The following DOCK5 variants were observed in gnomAD, a reference collection of about 807,000 sequenced individuals.
DOCK5 encodes the protein dedicator of cytokinesis 5, also known as dedicator of cytokinesis protein 5.
DOCK5 carries 142 observed loss-of-function variants against 251.8 expected under a neutral mutation model. The ratio of observed to expected loss-of-function variants is 0.56; its 90% CI spans 0.49 to 0.65. The LOEUF (loss-of-function observed/expected upper bound fraction) is 0.65. Among genes scored for constraint, DOCK5 ranks in the 30% least tolerant of loss-of-function variants. The pLI is 0.00. For missense variants in DOCK5, 2,111 were observed against 2,312.3 expected, an observed-to-expected ratio of 0.91 and a Z score of 1.79; for synonymous variants, 842 against 835.5, an observed-to-expected ratio of 1.01 and a Z score of -0.13.
chr8:25,312,833 A>G (rs981829637), intron 13 of DOCK5, among the ~76,000 whole-genome samples: 2 of 151,726 alleles, frequency 1.3e-5, no homozygotes, highest in Non-Finnish European at 2.9e-5. Context: ...GAAAGGCTGA[A>G]GCGGGAGCAT....
intron 5 of DOCK5, among the ~76,000 whole-genome samples, chr8:25,291,193 A>G (rs1335825310): frequency 6.6e-6 from 1 of 152,098 alleles, no homozygotes; most frequent in Non-Finnish European, 1.5e-5. Context: ...GCATGGCTAG[A>G]GTTTTAGGGT....
At chr8:25,277,185 C>G (rs965166374) in intron 4 of DOCK5, 1 of 154,008 alleles carries the variant, frequency 6.5e-6, no homozygotes, top group Admixed American at 6.5e-5. Context: ...TGGTCTGTAA[C>G]TGATAATAGG....
intron 1 of DOCK5, among the ~76,000 whole-genome samples, chr8:25,242,162 A>C (rs1376327153): frequency 6.6e-6 from 1 of 152,136 alleles, no homozygotes; most frequent in African/African-American, 2.4e-5. Context: ...TTAAAAAAAA[A>C]ACCTTAACTT....
At chr8:25,279,623 T>C (rs1390622156) in intron 5 of DOCK5, among the ~76,000 whole-genome samples, 1 of 152,052 alleles carries the variant, frequency 6.6e-6, no homozygotes, top group Non-Finnish European at 1.5e-5. Flanking sequence ...TTATTTTATT[T>C]ATTTATTTTT....
At chr8:25,321,123 G>A in intron 16 of DOCK5, 71 bp downstream of exon 16, 2 of 1,272,586 alleles carry the variant, frequency 1.6e-6, no homozygotes, top group African/African-American at 1.5e-5. Context: ...GCCATCTTGT[G>A]AAGCTGGAGA....
At chr8:25,386,306 A>G (rs1048154640) in intron 40 of DOCK5, among the ~76,000 whole-genome samples, 5 of 152,166 alleles carry the variant, frequency 3.3e-5, no homozygotes, top group African/African-American at 1.2e-4. Flanking sequence ...TCTGAGGCCA[A>G]GCATGGTGAC....
intron 37 of DOCK5, chr8:25,375,214 C>G: frequency 5.8e-6 from 1 of 171,978 alleles, no homozygotes; most frequent in Non-Finnish European, 1.2e-5. Context: ...CTTTGCTCCT[C>G]CCCAGCCCAT....
intron 11 of DOCK5, among the ~76,000 whole-genome samples, chr8:25,306,972 T>C (rs1804958437): frequency 6.6e-6 from 1 of 152,236 alleles, no homozygotes; most frequent in South Asian, 2.1e-4. Flanking sequence ...TCCAGCAAGC[T>C]ACTGTACTGA....
Position 25,342,469 on chromosome 8 carries a change from T to A in DOCK5, c.2579T>A (p.Met860Lys). The A allele has an allele frequency of 6.3e-7, 1 of 1,599,944 alleles. No individual in the cohort carries two copies. Among genetic ancestry groups the A allele is most frequent in the Non-Finnish European group, 8.5e-7 (1 of 1,172,184 alleles). ...NQLVRQKLNC[M>K]TKIVESTLFR... ...CTGGTTCGGCAGAAACTTAACTGCA[T>A]GACCAAGATAGTAGAGAGCACTCTT... Residue 860 changes from methionine to lysine, a missense_variant, in exon 25 of 52, where the codon ATG (methionine) becomes AAG (lysine). Met to Lys is a moderately conservative substitution (Grantham distance 95). Coordinates refer to ENST00000276440, the MANE Select transcript of DOCK5 (RefSeq NM_024940.8).
chr8:25,325,497 A>G lies in DOCK5; in HGVS notation c.1853A>G (p.Asp618Gly), dbSNP rs1309439402. ...TFTPSKDSTK[D>G]SFQIATLICS... Reference sequence around the variant, plus strand: ...ACCCCAAGCAAGGATAGCACTAAAGACAGCTTTCAGATTGCCACCCTCATC... The same window carrying G: ...ACCCCAAGCAAGGATAGCACTAAAGGCAGCTTTCAGATTGCCACCCTCATC... Residue 618 changes from aspartate to glycine, a missense_variant, in exon 18 of 52, where the codon GAC becomes GGC. Asp to Gly is a moderately conservative substitution (Grantham distance 94). Transcript: ENST00000276440. 6.2e-7 allele frequency: 1 copy of G among 1,613,744 alleles called. No individual in the cohort carries two copies. Among genetic ancestry groups the G allele is most frequent in the Non-Finnish European group, 8.5e-7 (1 of 1,179,786 alleles).
chr8:25,215,644 TTATTTC>T (rs1315834287), intron 1 of DOCK5, among the ~76,000 whole-genome samples: 3 of 152,238 alleles, frequency 2.0e-5, no homozygotes, highest in African/African-American at 7.2e-5. Context: ...GGTCATTGTG[TTATTTC>T]TATTTCCAGC....
At chr8:25,221,518 A>G (rs1802389658) in intron 1 of DOCK5, among the ~76,000 whole-genome samples, 1 of 152,146 alleles carries the variant, frequency 6.6e-6, no homozygotes, top group Non-Finnish European at 1.5e-5. Flanking sequence ...CAAGTTGGCC[A>G]GGATGGTCTC....
chr8:25,396,209 G>A (rs546452137), intron 45 of DOCK5, among the ~76,000 whole-genome samples: 1 of 152,240 alleles, frequency 6.6e-6, no homozygotes, highest in South Asian at 2.1e-4. Context: ...GTGAAACCGC[G>A]TCTCTACTAA....
At chr8:25,249,730 G>T (rs2117558887) in intron 2 of DOCK5, among the ~76,000 whole-genome samples, 1 of 152,250 alleles carries the variant, frequency 6.6e-6, no homozygotes, top group East Asian at 1.9e-4. Context: ...GGGACTATAG[G>T]TGCACACCGC....
intron 5 of DOCK5, among the ~76,000 whole-genome samples, chr8:25,285,061 A>G (rs547016063): frequency 6.6e-6 from 1 of 152,334 alleles, no homozygotes; most frequent in South Asian, 2.1e-4. Context: ...ACTGGATCTA[A>G]TCCTACTCCT....
intron 1 of DOCK5, among the ~76,000 whole-genome samples, chr8:25,236,599 G>T (rs7837004): frequency 0.017 from 2,619 of 151,646 alleles, 89 homozygotes; most frequent in African/African-American, 0.06. Context: ...TATTTTTTTT[G>T]AAACAGAGTC....
chr8:25,292,413 G>A (rs1804517135), intron 6 of DOCK5, among the ~76,000 whole-genome samples: 1 of 152,086 alleles, frequency 6.6e-6, no homozygotes, highest in South Asian at 2.1e-4. Context: ...GGAAAGATGG[G>A]TCTTGGACTG....
At chr8:25,398,776 G>T (rs1801388457) in intron 45 of DOCK5, among the ~76,000 whole-genome samples, 1 of 152,180 alleles carries the variant, frequency 6.6e-6, no homozygotes, top group Non-Finnish European at 1.5e-5. Context: ...CCCTACTCCA[G>T]TATGTATGAC....
At chr8:25,328,703 T>G (rs117439829) in intron 18 of DOCK5, among the ~76,000 whole-genome samples, 4,588 of 152,268 alleles carry the variant, frequency 0.03, 108 homozygotes, top group Non-Finnish European at 0.044. Flanking sequence ...TTACTTGATT[T>G]GTTTTTTAGA....
Sources: allele counts gnomAD v4.1 joint callset (sites outside exome capture counted in the v4.1 genomes callset), GRCh38; gene constraint gnomAD v4.1.1; transcripts MANE v1.5; gene names NCBI Gene and HGNC (gene_info 2026-07-23, HGNC 2026-07-21).